The following MTHFD2L variants were observed in gnomAD, a reference collection of about 807,000 sequenced individuals.
MTHFD2L encodes the protein bifunctional methylenetetrahydrofolate dehydrogenase/cyclohydrolase 2, mitochondrial.
MTHFD2L carries 29 observed loss-of-function variants against 34.9 expected under a neutral mutation model. The observed-to-expected ratio is 0.83, with a 90% CI of 0.62 to 1.13. MTHFD2L has a LOEUF of 1.13. MTHFD2L is among the 50% of genes most tolerant of loss of function. The pLI, the probability that MTHFD2L is intolerant of heterozygous loss-of-function variation, is 0.00. For missense variants in MTHFD2L, 481 were observed against 446.5 expected, an observed-to-expected ratio of 1.08 and a Z score of -0.70; for synonymous variants, 167 against 155.7, an observed-to-expected ratio of 1.07 and a Z score of -0.54.
At chr4:74,231,738 A>C (rs1191611029) in intron 6 of MTHFD2L, among the ~76,000 whole-genome samples, 1 of 152,162 alleles carries the variant, frequency 6.6e-6, no homozygotes, top group Non-Finnish European at 1.5e-5. Context: ...CATTGATGTG[A>C]TTTAAATGAT....
intron 1 of MTHFD2L, among the ~76,000 whole-genome samples, chr4:74,126,006 T>C (rs1722042617): frequency 2.0e-5 from 3 of 152,192 alleles, no homozygotes. Context: ...CTCACTGTTT[T>C]GTCTTCCAAG....
chr4:74,158,205 A>G lies in MTHFD2L; in HGVS notation c.67A>G (p.Arg23Gly). 1.3e-6 allele frequency: 2 copies of G among 1,524,932 alleles called. No individual in the cohort carries two copies. The highest frequency in any genetic ancestry group is 1.8e-6 in the Non-Finnish European group (2 of 1,136,312). The allele number at this position is 1,524,932 out of a possible 1,614,324, so 94.5% of individuals were successfully genotyped here. ...GRLGRAPALGRSTAPSVRAPG... is the reference protein window; with the variant it reads ...GRLGRAPALGGSTAPSVRAPG... ...CCTTGGCCGAGCGCCGGCGTTGGGC[A>G]GAAGCACAGCACCCTCCGTAAGGGC... Residue 23 changes from arginine (R) to glycine (G), a missense_variant, in exon 1 of 8, where the codon AGA becomes GGA. Arg to Gly is a moderately radical substitution (Grantham distance 125, BLOSUM62 -2). Coordinates refer to ENST00000325278, the MANE Select transcript of MTHFD2L (RefSeq NM_001144978.3).
intron 6 of MTHFD2L, among the ~76,000 whole-genome samples, chr4:74,248,157 A>C (rs1015254308): frequency 7.3e-5 from 11 of 151,394 alleles, no homozygotes; most frequent in African/African-American, 2.4e-4. Context: ...ACAATTTCAG[A>C]GCCTGTTACT....
rs982121997 is a variant in MTHFD2L at position 74,158,243 on chromosome 4, C to T, written c.105C>T (p.Pro35=). The T allele has an allele frequency of 4.7e-6, 7 of 1,478,092 alleles. No individual in the cohort carries two copies. The highest frequency in any genetic ancestry group is 6.3e-6 in the Non-Finnish European group (7 of 1,115,978). The allele number at this position is 1,478,092 out of a possible 1,614,324, so 91.6% of individuals were successfully genotyped here. ...CCTCCGTAAGGGCACCGGGAGAGCCCGGGAGTGCGTTCCGGGGCTTTCGGA... is the reference window on the plus strand; with the variant it reads ...CCTCCGTAAGGGCACCGGGAGAGCCTGGGAGTGCGTTCCGGGGCTTTCGGA... ...TAPSVRAPGE[P]GSAFRGFRSS... Residue 35 remains proline (P), a synonymous_variant, in exon 1 of 8, where the codon CCC becomes CCT. Coordinates refer to ENST00000325278, the MANE Select transcript of MTHFD2L (RefSeq NM_001144978.3).
chr4:74,234,082 G>A (rs1740492198), intron 6 of MTHFD2L, among the ~76,000 whole-genome samples: 1 of 151,972 alleles, frequency 6.6e-6, no homozygotes, highest in South Asian at 2.1e-4. Context: ...TACTTTAGAT[G>A]GTCAAATGAT....
chr4:74,117,520 C>T (rs957185593), intron 2 of MTHFD2L, among the ~76,000 whole-genome samples: 2 of 152,088 alleles, frequency 1.3e-5, no homozygotes, highest in African/African-American at 2.4e-5. Flanking sequence ...TTTCAGGAAG[C>T]GTTCAAGTAG....
At chr4:74,261,523 C>T (rs989231285) in intron 6 of MTHFD2L, among the ~76,000 whole-genome samples, 10 of 151,936 alleles carry the variant, frequency 6.6e-5, no homozygotes, top group Admixed American at 3.9e-4. Context: ...AATTTATTCA[C>T]GTAAGAATGC....
chr4:74,226,731 A>G (rs1739226282), intron 6 of MTHFD2L, among the ~76,000 whole-genome samples: 2 of 152,198 alleles, frequency 1.3e-5, no homozygotes, highest in Non-Finnish European at 2.9e-5. Flanking sequence ...TATTTATTCA[A>G]TAAATATTGG....
chr4:74,210,025 C>T (rs1319634703), intron 5 of MTHFD2L, among the ~76,000 whole-genome samples: 1 of 152,104 alleles, frequency 6.6e-6, no homozygotes, highest in Non-Finnish European at 1.5e-5. Flanking sequence ...TATCCTTCAC[C>T]CACTTTTTGA....
chr4:74,229,503 C>T (rs895432415), intron 6 of MTHFD2L, among the ~76,000 whole-genome samples: 1 of 151,862 alleles, frequency 6.6e-6, no homozygotes, highest in Non-Finnish European at 1.5e-5. Flanking sequence ...AGGAGGATTG[C>T]GTGATATATA....
intron 6 of MTHFD2L, among the ~76,000 whole-genome samples, chr4:74,238,984 G>T (rs1222925476): frequency 6.6e-6 from 1 of 152,120 alleles, no homozygotes; most frequent in Admixed American, 6.5e-5. Context: ...CCCATTACTG[G>T]GTATACACCC....
chr4:74,268,730 C>T (rs1483043128), intron 6 of MTHFD2L, among the ~76,000 whole-genome samples: 1 of 152,000 alleles, frequency 6.6e-6, no homozygotes, highest in Non-Finnish European at 1.5e-5. Flanking sequence ...TTCATGTAAA[C>T]TCAATTCTGA....
rs1402363661 is a variant in MTHFD2L at position 74,301,840 on chromosome 4, CATG to C, written c.*32_*34del. ...ATGAAAGGATAAAGCAAACTGAAGT[CATG>C]CTATTTGTTTATTTGACAAAGGGTA... is the stretch of plus-strand genomic sequence containing the variant. On this transcript the variant is annotated 3_prime_UTR_variant, in exon 8 of 8. Transcript: ENST00000325278. 7.2e-7 allele frequency: 1 copy of C among 1,379,908 alleles called. No homozygotes were observed. Among genetic ancestry groups the C allele is most frequent in the African/African-American group, 1.4e-5 (1 of 68,996 alleles). 85.5% of individuals were successfully genotyped at this position (1,379,908 alleles called of 1,614,324 possible).
intron 3 of MTHFD2L, among the ~76,000 whole-genome samples, chr4:74,196,622 A>G (rs475092): frequency 0.14 from 20,803 of 152,104 alleles, 3,928 homozygotes; most frequent in African/African-American, 0.43. Context: ...TTGTCCAAAG[A>G]CAATTAAGCA....
At chr4:74,288,797 C>T (rs1022090497) in intron 7 of MTHFD2L, among the ~76,000 whole-genome samples, 1 of 152,158 alleles carries the variant, frequency 6.6e-6, no homozygotes, top group African/African-American at 2.4e-5. Flanking sequence ...GGTAATACAA[C>T]CTCACCTAAA....
intron 2 of MTHFD2L, among the ~76,000 whole-genome samples, chr4:74,117,146 G>C (rs1262201184): frequency 6.6e-6 from 1 of 152,206 alleles, no homozygotes; most frequent in East Asian, 1.9e-4. Context: ...TCCACAAGTG[G>C]ACGGGGCTTC....
intron 5 of MTHFD2L, among the ~76,000 whole-genome samples, chr4:74,201,635 A>C (rs1734454805): frequency 6.6e-6 from 1 of 151,560 alleles, no homozygotes; most frequent in African/African-American, 2.4e-5. Context: ...AGAAAGGTGC[A>C]AAGCTACTAG....
At chr4:74,158,733 A>G (rs1261581375) in intron 1 of MTHFD2L, among the ~76,000 whole-genome samples, 1 of 152,188 alleles carries the variant, frequency 6.6e-6, no homozygotes, top group African/African-American at 2.4e-5. Flanking sequence ...TTCCAACTCT[A>G]AAATTATTTA....
In MTHFD2L at chr4:74,302,776, C is replaced by T. The variant is rs1208027891; in HGVS notation, c.*967C>T. The T allele has an allele frequency of 1.3e-5, 2 of 152,072 alleles. No individual in the cohort carries two copies. The highest frequency in any genetic ancestry group is 2.9e-5 in the Non-Finnish European group (2 of 67,976). The allele number at this position is 152,072 out of a possible 1,614,324, so 9.4% of individuals were successfully genotyped here. On this transcript the variant is annotated 3_prime_UTR_variant, in exon 8 of 8. Transcript: ENST00000325278. ...TGTGCCAAAACTAAACCTTAGTATA[C>T]AACTAAAAATCTCCTGCCTTCTTGC...
Sources: gnomAD v4.1 joint callset for allele counts (sites outside exome capture counted in the v4.1 genomes callset) on GRCh38, gnomAD v4.1.1 for gene constraint, MANE v1.5 for transcripts, NCBI Gene and HGNC (gene_info 2026-07-23, HGNC 2026-07-21) for gene names.